KCNIP4: variants seen among roughly 807,000 people sequenced by gnomAD.
KCNIP4 encodes the protein Kv channel-interacting protein 4.
Under a neutral mutation model 34.0 loss-of-function variants are expected in KCNIP4, and 12 were observed. The observed-to-expected ratio is 0.35, with a 90% CI of 0.23 to 0.57. The LOEUF is 0.57. Among genes scored for constraint, KCNIP4 ranks in the 20% least tolerant of loss-of-function variants. The probability of loss-of-function intolerance (pLI) is 0.83; values close to 1 mark genes in which losing one functional copy is unlikely to be tolerated. For synonymous variants in KCNIP4, 124 were observed against 102.2 expected (o/e 1.21, Z -1.29); for missense variants, 238 against 311.7 (o/e 0.76, Z 1.78).
intron 1 of KCNIP4, among the ~76,000 whole-genome samples, chr4:21,724,373 A>G (rs1715039833): frequency 7.8e-6 from 1 of 128,938 alleles, no homozygotes; most frequent in Non-Finnish European, 1.5e-5. Flanking sequence ...ATATTGTGGG[A>G]AAAAAGTTAC....
chr4:21,673,015 A>AGG (rs1251238632), intron 1 of KCNIP4, among the ~76,000 whole-genome samples: 1 of 152,220 alleles, frequency 6.6e-6, no homozygotes. Context: ...AAAGAGAGAG[A>AGG]GAAAAAGCAA....
intron 1 of KCNIP4, among the ~76,000 whole-genome samples, chr4:21,544,052 T>G (rs759818329): frequency 1.6e-4 from 24 of 152,182 alleles, no homozygotes; most frequent in Non-Finnish European, 3.2e-4. Context: ...AAGCAAGACC[T>G]TAACTTTTAA....
chr4:20,816,229 G>C (rs1030931243), intron 3 of KCNIP4, among the ~76,000 whole-genome samples: 1 of 151,000 alleles, frequency 6.6e-6, no homozygotes, highest in Non-Finnish European at 1.5e-5. Context: ...ACTCCAGCCT[G>C]GGCAACAGAG....
intron 1 of KCNIP4, among the ~76,000 whole-genome samples, chr4:21,591,205 A>T (rs1317966661): frequency 6.6e-6 from 1 of 151,978 alleles, no homozygotes; most frequent in Non-Finnish European, 1.5e-5. Flanking sequence ...AACAAGGAGG[A>T]ACGTTATAGG....
chr4:20,744,732 C>T (rs1476337585), intron 5 of KCNIP4, among the ~76,000 whole-genome samples: 1 of 152,020 alleles, frequency 6.6e-6, no homozygotes, highest in Non-Finnish European at 1.5e-5. Flanking sequence ...CAAACCTGCA[C>T]ATTTTGCACA....
chr4:21,365,514 TAAATAAATAAAAAATAAAGAAAGA>T (rs1719668161), intron 1 of KCNIP4, among the ~76,000 whole-genome samples: 1 of 91,880 alleles, frequency 1.1e-5, no homozygotes, highest in Admixed American at 9.5e-5. Flanking sequence ...AATAAATAAA[TAAATAAATAAAAAATAAAGAAAGA>T]AAAGAAAAAG....
intron 3 of KCNIP4, among the ~76,000 whole-genome samples, chr4:20,801,689 A>C (rs900168916): frequency 6.6e-6 from 1 of 152,242 alleles, no homozygotes; most frequent in East Asian, 1.9e-4. Context: ...TGGCAGATAT[A>C]CAAACAATAA....
At chr4:21,864,380 C>G (rs1234948229) in intron 1 of KCNIP4, among the ~76,000 whole-genome samples, 1 of 152,188 alleles carries the variant, frequency 6.6e-6, no homozygotes, top group Non-Finnish European at 1.5e-5. Flanking sequence ...TACAAACATG[C>G]TTCTCCATAA....
intron 1 of KCNIP4, among the ~76,000 whole-genome samples, chr4:21,528,358 T>A (rs971116583): frequency 2.0e-5 from 3 of 151,930 alleles, no homozygotes; most frequent in African/African-American, 7.3e-5. Flanking sequence ...ACAGTTCATG[T>A]TTGCTTTCCT....
intron 1 of KCNIP4, among the ~76,000 whole-genome samples, chr4:21,740,193 G>C (rs1220393347): frequency 2.6e-5 from 4 of 151,886 alleles, no homozygotes; most frequent in African/African-American, 9.7e-5. Flanking sequence ...TATATACATA[G>C]ACATGCACAA....
intron 1 of KCNIP4, among the ~76,000 whole-genome samples, chr4:21,424,136 T>C (rs1332123112): frequency 2.0e-5 from 3 of 151,776 alleles, no homozygotes; most frequent in African/African-American, 7.3e-5. Context: ...TTTAAAAATG[T>C]AGTGTTTCCT....
intron 1 of KCNIP4, among the ~76,000 whole-genome samples, chr4:21,157,351 TTTTTC>T (rs1269674837): frequency 1.3e-5 from 2 of 152,122 alleles, no homozygotes; most frequent in African/African-American, 2.4e-5. Flanking sequence ...TTCTTTTTTT[TTTTTC>T]TTTCTAACAG....
chr4:20,769,957 T>C (rs551814150), intron 3 of KCNIP4, among the ~76,000 whole-genome samples: 1 of 152,338 alleles, frequency 6.6e-6, no homozygotes, highest in African/African-American at 2.4e-5. Context: ...AGATCATCTC[T>C]GTATCTTAAG....
intron 3 of KCNIP4, among the ~76,000 whole-genome samples, chr4:20,792,649 G>A (rs1578630296): frequency 6.6e-6 from 1 of 152,060 alleles, no homozygotes; most frequent in Non-Finnish European, 1.5e-5. Flanking sequence ...AGACAAAATA[G>A]ATTTCAAAGC....
intron 1 of KCNIP4, among the ~76,000 whole-genome samples, chr4:21,008,168 G>A (rs926877996): frequency 6.6e-6 from 1 of 152,164 alleles, no homozygotes; most frequent in Non-Finnish European, 1.5e-5. Flanking sequence ...AAACAAACAA[G>A]CAAAGAAATC....
intron 1 of KCNIP4, among the ~76,000 whole-genome samples, chr4:20,958,347 G>A (rs970968028): frequency 6.6e-6 from 1 of 152,156 alleles, no homozygotes; most frequent in African/African-American, 2.4e-5. Flanking sequence ...GTGCTTTATG[G>A]ATAAATGCAT....
In KCNIP4 at chr4:21,484,605, C is replaced by T. The variant is rs191261537; in HGVS notation, c.61+463966G>A. ...GAGTAGGGGTTGAGGGTTGTTTGGT[C>T]GGGGGTCATTCCCGCAGCCTTTGAT... On this transcript the variant is annotated intron_variant, in intron 1 of 8. Coordinates refer to ENST00000382152, the MANE Select transcript of KCNIP4 (RefSeq NM_025221.6). Among the ~76,000 whole-genome samples, 16 of 152,198 alleles carry T rather than the reference C, an allele frequency of 1.1e-4. No homozygotes were observed. In the East Asian group the frequency reaches 1.5e-3, roughly 15 times the overall value.
At chr4:21,376,385 G>A (rs1720961697) in intron 1 of KCNIP4, among the ~76,000 whole-genome samples, 1 of 76,968 alleles carries the variant, frequency 1.3e-5, no homozygotes, top group African/African-American at 4.8e-5. Flanking sequence ...ATGCTAGCAT[G>A]ATGCCATAAA....
chr4:21,876,383 C>T (rs1726112498), intron 1 of KCNIP4, among the ~76,000 whole-genome samples: 2 of 152,076 alleles, frequency 1.3e-5, no homozygotes, highest in African/African-American at 2.4e-5. Context: ...ATAAAGATTA[C>T]ATTTTTATTC....
Sources: gnomAD v4.1 joint callset for allele counts (sites outside exome capture counted in the v4.1 genomes callset) on GRCh38, gnomAD v4.1.1 for gene constraint, MANE v1.5 for transcripts, NCBI Gene and HGNC (gene_info 2026-07-23, HGNC 2026-07-21) for gene names.